The following ME3 variants were observed in gnomAD, a reference collection of about 807,000 sequenced individuals.
ME3 encodes malic enzyme 3.
Under a neutral mutation model 68.9 loss-of-function variants are expected in ME3, and 48 were observed. The observed-to-expected ratio is 0.70, with a 90% confidence interval of 0.55 to 0.89. ME3 has a LOEUF of 0.89. Among genes scored for constraint, ME3 ranks in the 40% least tolerant of loss-of-function variants. ME3 has a pLI of 0.00. For synonymous variants in ME3, 320 were observed against 318.8 expected (o/e 1.00, Z -0.04); for missense variants, 675 against 797.4 (o/e 0.85, Z 1.85).
intron 2 of ME3, among the ~76,000 whole-genome samples, chr11:86,563,096 G>A (rs970724198): frequency 1.3e-5 from 2 of 152,080 alleles, no homozygotes; most frequent in Non-Finnish European, 2.9e-5. Flanking sequence ...TTGATCCCAT[G>A]TTTTTGCTAT....
intron 2 of ME3, among the ~76,000 whole-genome samples, chr11:86,635,729 G>A (rs554448853): frequency 6.6e-6 from 1 of 152,324 alleles, no homozygotes. Context: ...AGAGCTGTGA[G>A]GAAATAACTT....
At chr11:86,572,819 G>T (rs1040587548) in intron 2 of ME3, among the ~76,000 whole-genome samples, 1 of 152,110 alleles carries the variant, frequency 6.6e-6, no homozygotes, top group Non-Finnish European at 1.5e-5. Flanking sequence ...TGGGTCAAAT[G>T]GTATTTCTGC....
chr11:86,497,763 C>T (rs1198693379), intron 6 of ME3, among the ~76,000 whole-genome samples, 200 bp downstream of exon 6: 5 of 152,078 alleles, frequency 3.3e-5, no homozygotes, highest in South Asian at 2.1e-4. Context: ...GGAGAGGGAA[C>T]AGGATGGAGC....
At chr11:86,521,431 A>AAAAAAATAATAATAATAATAATAAT (rs1271326906) in intron 4 of ME3, among the ~76,000 whole-genome samples, 1 of 145,922 alleles carries the variant, frequency 6.9e-6, no homozygotes, top group Admixed American at 6.8e-5. Context: ...AACAAAACAA[A>AAAAAAATAATAATAATAATAATAAT]AATAATAATA....
chr11:86,444,793 T>A (rs1438925059), intron 13 of ME3, among the ~76,000 whole-genome samples: 1 of 152,166 alleles, frequency 6.6e-6, no homozygotes, highest in Non-Finnish European at 1.5e-5. Context: ...CATGGGAAAA[T>A]CAAATTCAAC....
In ME3 at chr11:86,671,732, C is replaced by G. The variant is rs367810346; in HGVS notation, c.183+30G>C. On this transcript the variant is annotated intron_variant, in intron 2 of 14. Transcript: ENST00000543262. ...TTTTCCGGCAGCCACGGGATCGCAACGCGGGCCGTCCTGCCCTCTGGCCCA... is the reference window on the plus strand; with the variant it reads ...TTTTCCGGCAGCCACGGGATCGCAAGGCGGGCCGTCCTGCCCTCTGGCCCA... 143 of 1,593,176 alleles carry G rather than the reference C, an allele frequency of 9.0e-5. No individual in the cohort carries two copies. In the Admixed American group the frequency reaches 1.4e-3, roughly 15 times the overall value.
At chr11:86,575,148 A>T (rs1958030829) in intron 2 of ME3, among the ~76,000 whole-genome samples, 1 of 147,302 alleles carries the variant, frequency 6.8e-6, no homozygotes. Context: ...TAACATTTTT[A>T]AAATGTGCTT....
At chr11:86,562,547 A>G (rs1283148567) in intron 2 of ME3, among the ~76,000 whole-genome samples, 1 of 152,214 alleles carries the variant, frequency 6.6e-6, no homozygotes, top group Non-Finnish European at 1.5e-5. Context: ...CCTCTCCAGC[A>G]ACTGGTATTG....
chr11:86,575,043 G>A (rs975876703), intron 2 of ME3, among the ~76,000 whole-genome samples: 1 of 146,842 alleles, frequency 6.8e-6, no homozygotes, highest in African/African-American at 2.6e-5. Flanking sequence ...TGTGGGTGTG[G>A]ACACAGCCTG....
rs192807726 is a variant in ME3 at position 86,613,581 on chromosome 11, G to A, written c.184-53758C>T. Among the ~76,000 whole-genome samples the A allele has an allele frequency of 3.3e-3, 505 of 152,102 alleles. 2 individuals carry two copies. Among genetic ancestry groups the A allele is most frequent in the Admixed American group, 7.8e-3 (119 of 15,268 alleles). On this transcript the variant is annotated intron_variant, in intron 2 of 14. Coordinates refer to ENST00000543262, the Ensembl canonical transcript of ME3. Reference sequence around the variant, plus strand: ...ATATTTAGAAAACCCCATCATCTCCGCCCCAAAACTCCTTAAACTTATAAG... The same window carrying A: ...ATATTTAGAAAACCCCATCATCTCCACCCCAAAACTCCTTAAACTTATAAG...
rs567252050 is a variant in ME3, at chr11:86,580,827, G to A, written c.184-21004C>T. 3.3e-5 allele frequency among the ~76,000 whole-genome samples: 5 copies of A among 152,274 alleles called. No homozygotes were observed. In the East Asian group the frequency reaches 9.6e-4, roughly 29 times the overall value. ...AATTTTAAGCATTGCATTCTTTGTT[G>A]TGATTTTGGACATTTTGCAATCACC... On this transcript the variant is annotated intron_variant, in intron 2 of 14. Coordinates refer to ENST00000543262, the Ensembl canonical transcript of ME3.
intron 2 of ME3, among the ~76,000 whole-genome samples, chr11:86,609,156 C>T (rs1357933824): frequency 1.3e-5 from 2 of 152,182 alleles, no homozygotes; most frequent in African/African-American, 4.8e-5. Flanking sequence ...GATTTGAACT[C>T]AGGTTTATTC....
chr11:86,672,041 C>T (rs896809242), intron 1 of ME3, 83 bp from the exon 2 acceptor site: 9 of 1,136,054 alleles, frequency 7.9e-6, no homozygotes, highest in African/African-American at 1.6e-5. Flanking sequence ...GGGCCTGATC[C>T]GGGGACGCGC....
chr11:86,593,741 C>T (rs1959172657), intron 2 of ME3, among the ~76,000 whole-genome samples: 2 of 146,450 alleles, frequency 1.4e-5, no homozygotes, highest in African/African-American at 2.5e-5. Flanking sequence ...TGAGATCATA[C>T]TATGTATAAA....
chr11:86,667,093 C>T (rs1175266073), intron 2 of ME3, among the ~76,000 whole-genome samples: 1 of 152,216 alleles, frequency 6.6e-6, no homozygotes, highest in Non-Finnish European at 1.5e-5. Flanking sequence ...GTTTACTGCT[C>T]TAAATGTATC....
intron 2 of ME3, among the ~76,000 whole-genome samples, chr11:86,670,054 C>T (rs1190723505): frequency 6.6e-6 from 1 of 152,086 alleles, no homozygotes; most frequent in Non-Finnish European, 1.5e-5. Flanking sequence ...GTGGCCCTAC[C>T]TTAAACCCCA....
intron 8 of ME3, among the ~76,000 whole-genome samples, chr11:86,463,245 G>A (rs1006882538): frequency 6.6e-6 from 1 of 152,166 alleles, no homozygotes; most frequent in African/African-American, 2.4e-5. Flanking sequence ...CAGGTGTGCC[G>A]CCTGCATGGA....
At chr11:86,603,839 A>G (rs1003119822) in intron 2 of ME3, among the ~76,000 whole-genome samples, 2 of 151,062 alleles carry the variant, frequency 1.3e-5, no homozygotes, top group Admixed American at 6.6e-5. Flanking sequence ...GTAAACTATC[A>G]CAAGGACAAA....
chr11:86,609,063 C>G (rs902239563), intron 2 of ME3, among the ~76,000 whole-genome samples: 1 of 152,138 alleles, frequency 6.6e-6, no homozygotes, highest in African/African-American at 2.4e-5. Flanking sequence ...ATAGTTAGCA[C>G]CATTTTACAG....
Sources: gnomAD v4.1 joint callset for allele counts (sites outside exome capture counted in the v4.1 genomes callset) on GRCh38, gnomAD v4.1.1 for gene constraint, MANE v1.5 for transcripts, NCBI Gene and HGNC (gene_info 2026-07-23, HGNC 2026-07-21) for gene names.